CTNNA3: variants seen among roughly 807,000 people sequenced by gnomAD.
CTNNA3 encodes the protein catenin alpha-3.
A neutral mutation model predicts 95.7 loss-of-function variants in CTNNA3; 76 were observed. That is an observed-to-expected ratio of 0.79 (90% CI 0.66 to 0.96). CTNNA3 has a LOEUF of 0.96. Ranked by LOEUF, CTNNA3 falls within the 40% of genes least tolerant of loss-of-function variation. CTNNA3 has a pLI of 0.00. For missense variants in CTNNA3, 1,191 were observed against 1,089.8 expected (o/e 1.09, Z -1.31); for synonymous variants, 431 against 374.4 (o/e 1.15, Z -1.74).
intron 15 of CTNNA3, among the ~76,000 whole-genome samples, chr10:66,006,064 G>A (rs7077473): frequency 6.8e-6 from 1 of 147,612 alleles, no homozygotes; most frequent in Non-Finnish European, 1.5e-5. Context: ...CCAGGCTGGA[G>A]AGCAGTGGCA....
chr10:67,175,423 TC>T (rs1862197106), intron 7 of CTNNA3, among the ~76,000 whole-genome samples: 3 of 152,076 alleles, frequency 2.0e-5, no homozygotes, highest in Admixed American at 2.0e-4. Flanking sequence ...TTTCAGAATT[TC>T]CCAAGACATG....
Position 65,914,018 on chromosome 10 carries a change from A to G in CTNNA3, c.*6312T>C, listed in dbSNP as rs1369922529. The stretch of plus-strand genomic sequence containing the variant: ...TAAGGAAGTGTCACAGACCTCCAAC[A>G]CCAAATAACCAGAACTAAAAATAAC... On this transcript the variant is annotated 3_prime_UTR_variant, in exon 18 of 18. Transcript: ENST00000433211. The G allele has an allele frequency of 6.6e-6, 1 of 152,180 alleles. No individual in the cohort carries two copies. The highest frequency in any genetic ancestry group is 2.4e-5 in the African/African-American group (1 of 41,456). 9.4% of individuals were successfully genotyped at this position (152,180 alleles called of 1,614,324 possible). A position where few individuals can be genotyped will look rare whatever the true frequency, so the allele number is the denominator to read the frequency against.
At chr10:66,228,993 T>C (rs2089456811) in intron 13 of CTNNA3, among the ~76,000 whole-genome samples, 1 of 152,190 alleles carries the variant, frequency 6.6e-6, no homozygotes, top group Admixed American at 6.5e-5. Context: ...AATAACTTTT[T>C]CCATTCTTTG....
At chr10:66,404,671 AG>A (rs1228959998) in intron 11 of CTNNA3, among the ~76,000 whole-genome samples, 1 of 152,218 alleles carries the variant, frequency 6.6e-6, no homozygotes, top group Non-Finnish European at 1.5e-5. Context: ...AAGACACTTT[AG>A]GTCAGACTTC....
chr10:66,052,223 A>G (rs2079973392), intron 15 of CTNNA3, among the ~76,000 whole-genome samples: 1 of 152,168 alleles, frequency 6.6e-6, no homozygotes, highest in Non-Finnish European at 1.5e-5. Context: ...GATAACTAAT[A>G]TTTGTATAGT....
intron 9 of CTNNA3, among the ~76,000 whole-genome samples, chr10:66,671,482 T>G (rs1429931351): frequency 6.6e-6 from 1 of 152,178 alleles, no homozygotes; most frequent in African/African-American, 2.4e-5. Context: ...TCCAAATTCT[T>G]GCTGTGAATT....
intron 11 of CTNNA3, among the ~76,000 whole-genome samples, chr10:66,511,472 CT>C (rs35110968): frequency 0.5 from 73,520 of 147,958 alleles, 19,813 homozygotes; most frequent in Non-Finnish European, 0.61. Context: ...TATTTGAAAT[CT>C]TTTTTTTTTT....
At position 66,609,322 on chromosome 10, in the gene CTNNA3, C is replaced by CA. The variant is rs1321596910; in HGVS notation, c.1374+12369dup. ...AAGCAATCTGCCCTCCTCAGCCTCC[C>CA]AAAGTGCTGGGATTACAGTTGTCAG... is the stretch of plus-strand genomic sequence containing the variant. On this transcript the variant is annotated intron_variant, in intron 10 of 17. Coordinates refer to ENST00000433211, the MANE Select transcript of CTNNA3 (RefSeq NM_013266.4). 2.7e-5 allele frequency among the ~76,000 whole-genome samples: 4 copies of CA among 149,092 alleles called. No homozygotes were observed. In the East Asian group the frequency reaches 7.8e-4, roughly 29 times the overall value.
intron 1 of CTNNA3, among the ~76,000 whole-genome samples, chr10:67,728,136 G>A (rs905184647): frequency 6.3e-5 from 9 of 143,710 alleles, no homozygotes; most frequent in Middle Eastern, 3.6e-3. Flanking sequence ...ACACATATAT[G>A]TATATATATT....
At chr10:66,458,465 G>A (rs2093508834) in intron 11 of CTNNA3, among the ~76,000 whole-genome samples, 1 of 152,120 alleles carries the variant, frequency 6.6e-6, no homozygotes, top group African/African-American at 2.4e-5. Flanking sequence ...ATTTGGATGT[G>A]TACAATTCAG....
At chr10:67,045,646 G>A (rs368608094) in intron 7 of CTNNA3, among the ~76,000 whole-genome samples, 1 of 152,140 alleles carries the variant, frequency 6.6e-6, no homozygotes, top group Admixed American at 6.5e-5. Flanking sequence ...AGGACTAGGG[G>A]CACTCCGCAC....
chr10:67,516,619 T>C (rs1839822928), intron 5 of CTNNA3, among the ~76,000 whole-genome samples: 2 of 152,180 alleles, frequency 1.3e-5, no homozygotes, highest in Admixed American at 6.5e-5. Context: ...AACAAGATGA[T>C]TGAGAGATAT....
intron 11 of CTNNA3, among the ~76,000 whole-genome samples, chr10:66,443,385 A>T (rs2093390385): frequency 6.6e-6 from 1 of 152,180 alleles, no homozygotes. Context: ...ACCCCCGAGC[A>T]GCCTAACTGG....
intron 5 of CTNNA3, among the ~76,000 whole-genome samples, chr10:67,481,888 T>C (rs13313102): frequency 0.17 from 25,403 of 151,200 alleles, 3,332 homozygotes; most frequent in East Asian, 0.35. Context: ...TTAGGTCTAA[T>C]GTTTAAGTCT....
At chr10:66,485,266 G>C (rs541217879) in intron 11 of CTNNA3, among the ~76,000 whole-genome samples, 1 of 151,988 alleles carries the variant, frequency 6.6e-6, no homozygotes, top group African/African-American at 2.4e-5. Context: ...TAAACAAAAG[G>C]TATCCAATTT....
rs1840723576 is a variant in CTNNA3 at position 67,542,826 on chromosome 10, CA to C, written c.293-3158del. Among the ~76,000 whole-genome samples, 2 of 152,180 alleles carry C rather than the reference CA, an allele frequency of 1.3e-5. 1 individual carries two copies. Among genetic ancestry groups the C allele is most frequent in the South Asian group, 4.1e-4 (2 of 4,832 alleles). ...TTATAGAATTTAGCCAGTTCACTGT[CA>C]TATTGATTTCTGACAGGAGAAAATG... On this transcript the variant is annotated intron_variant, in intron 3 of 17. Coordinates refer to ENST00000433211, the MANE Select transcript of CTNNA3 (RefSeq NM_013266.4).
chr10:66,578,451 G>C (rs1415007048), intron 10 of CTNNA3, among the ~76,000 whole-genome samples: 1 of 151,940 alleles, frequency 6.6e-6, no homozygotes, highest in African/African-American at 2.4e-5. Flanking sequence ...TTGGCTATGG[G>C]TTTGTCATAA....
intron 9 of CTNNA3, among the ~76,000 whole-genome samples, chr10:66,667,446 G>A (rs916278174): frequency 2.0e-5 from 3 of 152,042 alleles, no homozygotes; most frequent in Non-Finnish European, 4.4e-5. Context: ...TTTCCATTTT[G>A]TGTTAAAGTA....
chr10:66,528,269 C>T (rs1478172279), intron 10 of CTNNA3, among the ~76,000 whole-genome samples: 1 of 152,038 alleles, frequency 6.6e-6, no homozygotes, highest in Non-Finnish European at 1.5e-5. Flanking sequence ...GGCTTCTCCC[C>T]ATTTTTACTG....
Sources: allele counts gnomAD v4.1 joint callset (sites outside exome capture counted in the v4.1 genomes callset), GRCh38; gene constraint gnomAD v4.1.1; transcripts MANE v1.5; gene names NCBI Gene and HGNC (gene_info 2026-07-23, HGNC 2026-07-21).